GNA14: variants seen among roughly 807,000 people sequenced by gnomAD.
The protein encoded by GNA14 is G protein subunit alpha 14, also known as guanine nucleotide-binding protein subunit alpha-14.
In GNA14, 50 loss-of-function variants were observed where a neutral mutation model predicts 42.0. The observed-to-expected ratio is 1.19, with a 90% confidence interval of 0.95 to 1.51. The LOEUF is 1.51. Among genes scored for constraint, GNA14 ranks in the 40% most tolerant of loss-of-function variants. The probability of loss-of-function intolerance (pLI) is 0.00; values close to 1 mark genes in which losing one functional copy is unlikely to be tolerated. For missense variants in GNA14, 473 were observed against 446.2 expected (o/e 1.06, Z -0.54); for synonymous variants, 173 against 163.1 (o/e 1.06, Z -0.46).
chr9:77,572,965 A>G (rs1031048506), intron 1 of GNA14, among the ~76,000 whole-genome samples: 3 of 152,238 alleles, frequency 2.0e-5, no homozygotes, highest in Admixed American at 6.5e-5. Flanking sequence ...TATGACTAAT[A>G]AGCCAACAAT....
chr9:77,578,310 T>C (rs947033217), intron 1 of GNA14, among the ~76,000 whole-genome samples: 9 of 152,098 alleles, frequency 5.9e-5, no homozygotes, highest in African/African-American at 2.2e-4. Context: ...AAAGATTAAG[T>C]CTTGCTTGCC....
chr9:77,506,432 A>G (rs1488536354), intron 2 of GNA14, among the ~76,000 whole-genome samples: 2 of 152,336 alleles, frequency 1.3e-5, no homozygotes, highest in African/African-American at 2.4e-5. Flanking sequence ...TAATCCCAGC[A>G]CTTTGGGAGA....
chr9:77,458,905 G>GGT (rs1554689042), intron 2 of GNA14, among the ~76,000 whole-genome samples: 1 of 47,952 alleles, frequency 2.1e-5, no homozygotes, highest in Admixed American at 1.5e-4. Flanking sequence ...ACAAGCTGGA[G>GGT]GGGGGGGGGT....
At chr9:77,636,520 C>T (rs1824187028) in intron 1 of GNA14, among the ~76,000 whole-genome samples, 1 of 152,168 alleles carries the variant, frequency 6.6e-6, no homozygotes, top group Non-Finnish European at 1.5e-5. Context: ...GTTTATTTGG[C>T]TCATGAATCT....
chr9:77,568,223 G>A (rs550006302), intron 1 of GNA14, among the ~76,000 whole-genome samples: 6 of 152,114 alleles, frequency 3.9e-5, no homozygotes, highest in African/African-American at 9.7e-5. Context: ...GGCCGAGGTG[G>A]GGGGATCACT....
chr9:77,637,644 G>T (rs772618906), intron 1 of GNA14, among the ~76,000 whole-genome samples: 5 of 152,076 alleles, frequency 3.3e-5, no homozygotes, highest in Admixed American at 6.6e-5. Flanking sequence ...ATCGCTTGAG[G>T]CCAGGAGTTC....
intron 5 of GNA14, 105 bp from the exon 6 acceptor site, chr9:77,425,820 C>G: frequency 1.2e-6 from 1 of 838,984 alleles, no homozygotes; most frequent in African/African-American, 1.7e-5. Context: ...CCGCCGCAGT[C>G]TCTGGGCCAC....
intron 1 of GNA14, among the ~76,000 whole-genome samples, chr9:77,571,771 A>G (rs1048607432): frequency 6.6e-6 from 1 of 151,158 alleles, no homozygotes; most frequent in African/African-American, 2.4e-5. Flanking sequence ...AAAAAAAAAA[A>G]GGTTAAGTGC....
chr9:77,536,107 G>A (rs1837594133), intron 1 of GNA14, among the ~76,000 whole-genome samples: 1 of 152,070 alleles, frequency 6.6e-6, no homozygotes, highest in African/African-American at 2.4e-5. Context: ...TAGAGGAGGT[G>A]CTATTTTTCA....
At chr9:77,453,675 G>A (rs1487844037) in intron 2 of GNA14, among the ~76,000 whole-genome samples, 1 of 152,162 alleles carries the variant, frequency 6.6e-6, no homozygotes, top group African/African-American at 2.4e-5. Context: ...AGCTACAACA[G>A]GATTCCTTCA....
chr9:77,520,210 T>G (rs368472373), intron 2 of GNA14, among the ~76,000 whole-genome samples: 1 of 152,174 alleles, frequency 6.6e-6, no homozygotes. Flanking sequence ...CTGAATTCAC[T>G]AATACCAGAT....
intron 1 of GNA14, among the ~76,000 whole-genome samples, chr9:77,622,326 G>A (rs1461123461): frequency 6.6e-6 from 1 of 152,124 alleles, no homozygotes; most frequent in East Asian, 1.9e-4. Flanking sequence ...TTAAGGAACA[G>A]CAAAAGAATA....
At chr9:77,587,179 A>G (rs1489258119) in intron 1 of GNA14, among the ~76,000 whole-genome samples, 1 of 152,148 alleles carries the variant, frequency 6.6e-6, no homozygotes, top group Non-Finnish European at 1.5e-5. Flanking sequence ...TGGAAACCTT[A>G]TGCATTCCAG....
At chr9:77,489,782 A>G (rs1836729243) in intron 2 of GNA14, among the ~76,000 whole-genome samples, 1 of 152,096 alleles carries the variant, frequency 6.6e-6, no homozygotes, top group African/African-American at 2.4e-5. Context: ...TCAGGACTGA[A>G]GCTGCAGATC....
At chr9:77,569,203 A>T (rs1384325622) in intron 1 of GNA14, among the ~76,000 whole-genome samples, 1 of 151,830 alleles carries the variant, frequency 6.6e-6, no homozygotes, top group African/African-American at 2.4e-5. Flanking sequence ...TCCCCGCAGA[A>T]GGTGTGTTGA....
chr9:77,585,728 T>C (rs1823292118), intron 1 of GNA14, among the ~76,000 whole-genome samples: 1 of 152,208 alleles, frequency 6.6e-6, no homozygotes, highest in Non-Finnish European at 1.5e-5. Context: ...TTTTCTCAGA[T>C]AGTATACCTC....
intron 2 of GNA14, among the ~76,000 whole-genome samples, chr9:77,510,980 T>A (rs1837156362): frequency 6.6e-6 from 1 of 151,620 alleles, no homozygotes; most frequent in Non-Finnish European, 1.5e-5. Context: ...CCAGTTTCTC[T>A]CCATATTAGA....
At chr9:77,515,960 CA>C (rs1158448237) in intron 2 of GNA14, among the ~76,000 whole-genome samples, 2,372 of 52,682 alleles carry the variant, frequency 0.045, 24 homozygotes, top group African/African-American at 0.052. Context: ...CCCTGTCTCA[CA>C]AAAAAAAAAA....
chr9:77,503,345 G>T (rs991454266), intron 2 of GNA14, among the ~76,000 whole-genome samples: 19 of 152,148 alleles, frequency 1.2e-4, no homozygotes, highest in African/African-American at 4.6e-4. Context: ...AAGAGATAAA[G>T]ATGTAAAAGG....
Sources: allele counts gnomAD v4.1 joint callset (sites outside exome capture counted in the v4.1 genomes callset), GRCh38; gene constraint gnomAD v4.1.1; transcripts MANE v1.5; gene names NCBI Gene and HGNC (gene_info 2026-07-23, HGNC 2026-07-21).